The following FSTL5 variants were observed in gnomAD, a reference collection of about 807,000 sequenced individuals.
FSTL5 encodes the protein follistatin-related protein 5.
A neutral mutation model predicts 89.1 loss-of-function variants in FSTL5; 62 were observed. That is an observed-to-expected ratio of 0.70 (90% confidence interval 0.57 to 0.86). The LOEUF is 0.86. Ranked by LOEUF, FSTL5 falls within the 40% of genes least tolerant of loss-of-function variation. The pLI, the probability that FSTL5 is intolerant of heterozygous loss-of-function variation, is 0.00. For synonymous variants in FSTL5, 383 were observed against 346.2 expected (o/e 1.11, Z -1.18); for missense variants, 1,057 against 1,001.6 (o/e 1.06, Z -0.75).
At chr4:161,804,548 TA>T (rs1401445702) in intron 4 of FSTL5, among the ~76,000 whole-genome samples, 1 of 151,728 alleles carries the variant, frequency 6.6e-6, no homozygotes, top group African/African-American at 2.4e-5. Flanking sequence ...TTTTCAAAGT[TA>T]AAAAACTATC....
intron 12 of FSTL5, among the ~76,000 whole-genome samples, chr4:161,485,191 C>T (rs533546639): frequency 6.6e-6 from 1 of 152,260 alleles, no homozygotes; most frequent in African/African-American, 2.4e-5. Flanking sequence ...AAAAGTGTTG[C>T]TGATCCCATG....
intron 2 of FSTL5, among the ~76,000 whole-genome samples, chr4:162,089,656 A>AAG (rs1579018406): frequency 3.2e-4 from 44 of 136,478 alleles, no homozygotes; most frequent in East Asian, 8.9e-4. Flanking sequence ...AAAAAGAAAA[A>AAG]AAAGAAAGAA....
intron 8 of FSTL5, among the ~76,000 whole-genome samples, chr4:161,584,009 A>G (rs1349443456): frequency 6.6e-6 from 1 of 151,904 alleles, no homozygotes; most frequent in Non-Finnish European, 1.5e-5. Context: ...TCACCTGACA[A>G]ACAAAACACT....
rs1732282226 is a variant in FSTL5, at chr4:161,872,128, G to GTTTTTTTGTTTGTTTT, written c.409+48275_409+48276insAAAACAAACAAAAAAA. 3.6e-3 allele frequency among the ~76,000 whole-genome samples: 229 copies of GTTTTTTTGTTTGTTTT among 63,962 alleles called. 7 individuals are homozygous for GTTTTTTTGTTTGTTTT. Among genetic ancestry groups the GTTTTTTTGTTTGTTTT allele is most frequent in the South Asian group, 8.1e-3 (10 of 1,240 alleles). The allele number at this position is 63,962 out of a possible 152,430, so 42.0% of individuals were successfully genotyped here. A position where few individuals can be genotyped will look rare whatever the true frequency, so the allele number is the denominator to read the frequency against. ...CACATCTGGCTAGGCTTTGTAGTTT[G>GTTTTTTTGTTTGTTTT]TTTTTTTTTTTGGTTTTTTTTTTTT... On this transcript the variant is annotated intron_variant, in intron 4 of 15. Transcript: ENST00000306100.
intron 12 of FSTL5, among the ~76,000 whole-genome samples, chr4:161,487,439 T>A (rs1461284391): frequency 6.6e-6 from 1 of 152,110 alleles, no homozygotes; most frequent in Non-Finnish European, 1.5e-5. Flanking sequence ...AAAATAACCA[T>A]TTAGAAACTT....
intron 4 of FSTL5, among the ~76,000 whole-genome samples, chr4:161,914,738 A>G (rs567059431): frequency 2.0e-5 from 3 of 152,282 alleles, no homozygotes; most frequent in Admixed American, 6.5e-5. Flanking sequence ...CTATAACTGA[A>G]TATAAACTCA....
At chr4:161,990,671 ACT>A (rs1247602340) in intron 3 of FSTL5, among the ~76,000 whole-genome samples, 3 of 152,212 alleles carry the variant, frequency 2.0e-5, no homozygotes, top group Admixed American at 1.3e-4. Flanking sequence ...AAGAACAGAG[ACT>A]CTACAGTATA....
At chr4:161,624,319 T>C (rs1048039605) in intron 7 of FSTL5, among the ~76,000 whole-genome samples, 1 of 151,994 alleles carries the variant, frequency 6.6e-6, no homozygotes, top group Non-Finnish European at 1.5e-5. Context: ...GGATCACTAT[T>C]TTTTGACATT....
chr4:161,541,858 T>C (rs1731829160), intron 9 of FSTL5, among the ~76,000 whole-genome samples: 1 of 151,932 alleles, frequency 6.6e-6, no homozygotes, highest in Non-Finnish European at 1.5e-5. Flanking sequence ...GCTAGTATAA[T>C]TAATATATTA....
At chr4:161,912,962 C>T (rs962801944) in intron 4 of FSTL5, among the ~76,000 whole-genome samples, 2 of 152,114 alleles carry the variant, frequency 1.3e-5, no homozygotes, top group African/African-American at 2.4e-5. Context: ...TGGCACTTTG[C>T]CCCTGCCCCA....
At chr4:161,469,625 C>A (rs1322722080) in intron 13 of FSTL5, among the ~76,000 whole-genome samples, 1 of 144,960 alleles carries the variant, frequency 6.9e-6, no homozygotes, top group Non-Finnish European at 1.5e-5. Context: ...AGTTCTTTGC[C>A]CACTTTATTT....
chr4:161,736,230 T>A (rs998625104), intron 6 of FSTL5, among the ~76,000 whole-genome samples: 3 of 152,222 alleles, frequency 2.0e-5, no homozygotes, highest in Non-Finnish European at 2.9e-5. Flanking sequence ...CAATGCTATA[T>A]GACTATTTAG....
chr4:161,725,024 C>T (rs540240311), intron 6 of FSTL5, among the ~76,000 whole-genome samples: 3 of 152,086 alleles, frequency 2.0e-5, no homozygotes, highest in Admixed American at 1.3e-4. Flanking sequence ...GTGAAACTCC[C>T]GTCTCTACTA....
intron 6 of FSTL5, among the ~76,000 whole-genome samples, chr4:161,755,737 G>T (rs1434927931): frequency 6.6e-6 from 1 of 152,028 alleles, no homozygotes; most frequent in African/African-American, 2.4e-5. Context: ...ACCTATCTTT[G>T]TAAGTAGCTT....
chr4:161,999,669 A>G lies in FSTL5; in HGVS notation c.160+33956T>C, dbSNP rs542317824. Among the ~76,000 whole-genome samples, 94 of 152,352 alleles carry G rather than the reference A, an allele frequency of 6.2e-4. 1 individual carries two copies. The highest frequency in any genetic ancestry group is 1.1e-3 in the Non-Finnish European group (75 of 68,024). On this transcript the variant is annotated intron_variant, in intron 3 of 15. Coordinates refer to ENST00000306100, the MANE Select transcript of FSTL5 (RefSeq NM_020116.5). ...TAAATAAGACAGTTTGATGTGGCTAAATTGTCACCATGATAGCCAATAAAT... is the reference window on the plus strand; with the variant it reads ...TAAATAAGACAGTTTGATGTGGCTAGATTGTCACCATGATAGCCAATAAAT...
intron 15 of FSTL5, among the ~76,000 whole-genome samples, chr4:161,434,003 A>G (rs1732471109): frequency 6.6e-6 from 1 of 152,118 alleles, no homozygotes. Context: ...ATTCAATGCA[A>G]TCACTATTAA....
chr4:161,455,571 G>C (rs1266623019), intron 14 of FSTL5, among the ~76,000 whole-genome samples: 1 of 151,970 alleles, frequency 6.6e-6, no homozygotes, highest in Non-Finnish European at 1.5e-5. Context: ...TAAAATCTTG[G>C]AATACATAAA....
intron 13 of FSTL5, among the ~76,000 whole-genome samples, chr4:161,474,001 T>C (rs557885518): frequency 2.0e-5 from 3 of 152,324 alleles, no homozygotes; most frequent in East Asian, 1.9e-4. Context: ...GCTACATGTC[T>C]TCTATATGCC....
chr4:161,562,551 T>A (rs2126572833), intron 8 of FSTL5, among the ~76,000 whole-genome samples: 1 of 152,136 alleles, frequency 6.6e-6, no homozygotes, highest in East Asian at 1.9e-4. Flanking sequence ...AGTCTTCTGC[T>A]TATTTGGTTA....
Sources: gnomAD v4.1 joint callset for allele counts (sites outside exome capture counted in the v4.1 genomes callset) on GRCh38, gnomAD v4.1.1 for gene constraint, MANE v1.5 for transcripts, NCBI Gene and HGNC (gene_info 2026-07-23, HGNC 2026-07-21) for gene names.